BLM: variants seen among roughly 807,000 people sequenced by gnomAD.
The protein encoded by BLM is BLM RecQ like helicase.
A neutral mutation model predicts 135.3 loss-of-function variants in BLM; 95 were observed. That is an observed-to-expected ratio of 0.70 (90% CI 0.59 to 0.83). BLM has a LOEUF of 0.83. Among genes scored for constraint, BLM ranks in the 40% least tolerant of loss-of-function variants. BLM has a pLI of 0.00. For synonymous variants in BLM, 520 were observed against 589.2 expected, an observed-to-expected ratio of 0.88 and a Z score of 1.70; for missense variants, 1,518 against 1,663.9, an observed-to-expected ratio of 0.91 and a Z score of 1.53.
rs7181557 is a variant in BLM at position 90,777,077 on chromosome 15, A to G, written c.2556-5745A>G. Among the ~76,000 whole-genome samples, 1,366 of 152,110 alleles carry G rather than the reference A, an allele frequency of 9.0e-3. 17 individuals are homozygous for G. The highest frequency in any genetic ancestry group is 0.031 in the African/African-American group (1,266 of 41,466). ...AGGCTGGTCTTGAACTCCTGGGCTT[A>G]AGTGATGTTCCTGCCCTAGCCTCCT... On this transcript the variant is annotated intron_variant, in intron 12 of 21. Transcript: ENST00000355112.
intron 1 of BLM, among the ~76,000 whole-genome samples, chr15:90,735,754 G>T (rs1474212817): frequency 6.6e-6 from 1 of 152,088 alleles, no homozygotes; most frequent in Non-Finnish European, 1.5e-5. Context: ...TAACCTGGAT[G>T]TGGAGAAGGG....
chr15:90,737,293 A>C (rs185989487), intron 1 of BLM, among the ~76,000 whole-genome samples: 48 of 152,234 alleles, frequency 3.2e-4, no homozygotes, highest in African/African-American at 1.0e-3. Context: ...AGATAGATGG[A>C]TAGATCAATG....
intron 1 of BLM, among the ~76,000 whole-genome samples, chr15:90,718,606 G>A (rs115175743): frequency 0.015 from 2,290 of 152,316 alleles, 62 homozygotes; most frequent in African/African-American, 0.052. Flanking sequence ...TGTTAGCTGG[G>A]CTGCTTATAC....
intron 7 of BLM, among the ~76,000 whole-genome samples, chr15:90,762,123 A>C (rs1183328797): frequency 6.6e-6 from 1 of 152,108 alleles, no homozygotes; most frequent in Non-Finnish European, 1.5e-5. Flanking sequence ...GTCATACTTG[A>C]TGTTTGCAAT....
At chr15:90,813,443 G>C (rs773799440) in intron 21 of BLM, among the ~76,000 whole-genome samples, 7 of 152,142 alleles carry the variant, frequency 4.6e-5, no homozygotes, top group Non-Finnish European at 1.0e-4. Flanking sequence ...ACCCAGGCTG[G>C]AGTGCAGTGG....
At chr15:90,779,213 A>G (rs1297140633) in intron 12 of BLM, among the ~76,000 whole-genome samples, 1 of 152,058 alleles carries the variant, frequency 6.6e-6, no homozygotes, top group East Asian at 1.9e-4. Context: ...GAACTGTCGC[A>G]CTGTTTTCCA....
intron 12 of BLM, among the ~76,000 whole-genome samples, chr15:90,779,819 C>T (rs955844952): frequency 6.6e-6 from 1 of 152,180 alleles, no homozygotes; most frequent in Non-Finnish European, 1.5e-5. Context: ...TTATTCTTCA[C>T]CCTTAACAGA....
intron 4 of BLM, among the ~76,000 whole-genome samples, chr15:90,752,321 G>T (rs543944307): frequency 6.6e-6 from 1 of 151,980 alleles, no homozygotes; most frequent in Non-Finnish European, 1.5e-5. Context: ...AACTACAGGT[G>T]CACACCACCA....
chr15:90,748,400 G>A (rs1196299453), intron 2 of BLM, among the ~76,000 whole-genome samples: 1 of 151,994 alleles, frequency 6.6e-6, no homozygotes, highest in Admixed American at 6.6e-5. Context: ...GAGCCACCAC[G>A]CCCGGCCAAT....
rs1301298294 is a variant in BLM, at chr15:90,766,916, G to T, written c.2200G>T (p.Ala734Ser). 21 of 1,580,938 alleles carry T rather than the reference G, an allele frequency of 1.3e-5. No homozygotes were observed. Among genetic ancestry groups the T allele is most frequent in the Non-Finnish European group, 1.8e-5 (21 of 1,151,446 alleles). The change falls in exon 10 of 22, where the codon GCT becomes TCT. Residue 734 changes from alanine to serine, a missense_variant. By Grantham distance (99) the Ala-to-Ser change is moderately conservative (BLOSUM62 1). Transcript: ENST00000355112. ...VQKLTSLDIP[A>S]TYLTGDKTDS... ...TTACTACTTTTATACTTAGATTCCA[G>T]CTACATATCTGACAGGTGATAAGAC...
chr15:90,809,937 C>T (rs1897369424), intron 20 of BLM, among the ~76,000 whole-genome samples: 1 of 152,202 alleles, frequency 6.6e-6, no homozygotes, highest in Admixed American at 6.5e-5. Context: ...GATAACATCA[C>T]CACGTAATAG....
At chr15:90,726,892 T>C (rs1894932320) in intron 1 of BLM, among the ~76,000 whole-genome samples, 1 of 152,212 alleles carries the variant, frequency 6.6e-6, no homozygotes, top group African/African-American at 2.4e-5. Flanking sequence ...GCAGTAAGCA[T>C]GGGGGTGCAG....
intron 10 of BLM, among the ~76,000 whole-genome samples, chr15:90,768,539 A>G (rs912141728): frequency 2.0e-5 from 3 of 152,188 alleles, no homozygotes; most frequent in African/African-American, 4.8e-5. Context: ...CCTGTTGCCA[A>G]TGTAAATGTA....
rs781561526 is a variant in BLM, at chr15:90,766,495, T to G, written c.2194-415T>G. The stretch of plus-strand genomic sequence containing the variant: ...CAGGCTGGAGTGCGGTGGTGCAACC[T>G]TGGCTCACTGCAACCTCTGCCTCCC... On this transcript the variant is annotated intron_variant, in intron 9 of 21. Transcript: ENST00000355112. 2.0e-5 allele frequency among the ~76,000 whole-genome samples: 3 copies of G among 152,326 alleles called. No homozygotes were observed. In the East Asian group the frequency reaches 5.8e-4, roughly 29 times the overall value.
chr15:90,743,845 C>T (rs7184002), intron 1 of BLM, among the ~76,000 whole-genome samples: 29,067 of 152,150 alleles, frequency 0.19, 2,910 homozygotes, highest in East Asian at 0.24. Context: ...CATTACCATA[C>T]TTCAGAATAT....
intron 1 of BLM, among the ~76,000 whole-genome samples, chr15:90,717,665 G>C (rs1894642044): frequency 6.6e-6 from 1 of 152,218 alleles, no homozygotes; most frequent in Non-Finnish European, 1.5e-5. Context: ...ACTCTGCCAA[G>C]GTCTCCCGGG....
chr15:90,795,389 AGAATC>A (rs1359338341), intron 16 of BLM, among the ~76,000 whole-genome samples: 1 of 152,176 alleles, frequency 6.6e-6, no homozygotes, highest in Admixed American at 6.5e-5. Context: ...CTGAGGCAGG[AGAATC>A]GCTTGAACCT....
chr15:90,774,506 G>C (rs140919229), intron 12 of BLM, among the ~76,000 whole-genome samples: 1 of 152,160 alleles, frequency 6.6e-6, no homozygotes, highest in East Asian at 1.9e-4. Flanking sequence ...AGCAGGCAAA[G>C]AGTGAAAATT....
chr15:90,761,723 G>T (rs1425666898), intron 7 of BLM, among the ~76,000 whole-genome samples: 1 of 152,182 alleles, frequency 6.6e-6, no homozygotes, highest in Non-Finnish European at 1.5e-5. Context: ...TATGAAGTCA[G>T]GAGTGTCTTA....
Sources: allele counts gnomAD v4.1 joint callset (sites outside exome capture counted in the v4.1 genomes callset), GRCh38; gene constraint gnomAD v4.1.1; transcripts MANE v1.5; gene names NCBI Gene and HGNC (gene_info 2026-07-23, HGNC 2026-07-21).